Variants in MCU observed in about 807,000 individuals in gnomAD.
The protein encoded by MCU is calcium uniporter protein, mitochondrial.
MCU carries 12 observed loss-of-function variants against 45.2 expected under a neutral mutation model. The observed-to-expected ratio is 0.27, with a 90% CI of 0.17 to 0.43. The LOEUF is 0.43. Among genes scored for constraint, MCU ranks in the 20% least tolerant of loss-of-function variants. The pLI is 1.00. For missense variants in MCU, 324 were observed against 436.7 expected (o/e 0.74, Z 2.30); for synonymous variants, 160 against 165.1 (o/e 0.97, Z 0.24).
At chr10:72,868,579 C>G in intron 4 of MCU, 124 bp from the exon 5 acceptor site, 1 of 692,092 alleles carries the variant, frequency 1.4e-6, no homozygotes, top group Non-Finnish European at 2.3e-6. Context: ...AGAGCTATTA[C>G]TTTCCTTCAG....
intron 1 of MCU, among the ~76,000 whole-genome samples, chr10:72,813,392 C>A (rs952432546): frequency 2.7e-5 from 4 of 148,260 alleles, no homozygotes; most frequent in African/African-American, 9.9e-5. Flanking sequence ...AATGAAAAAT[C>A]AGGTAAAACT....
At chr10:72,872,807 A>G (rs887781944) in intron 6 of MCU, among the ~76,000 whole-genome samples, 5 of 151,996 alleles carry the variant, frequency 3.3e-5, no homozygotes, top group African/African-American at 9.7e-5. Flanking sequence ...GATTGATTGT[A>G]TGATATTTCT....
intron 1 of MCU, among the ~76,000 whole-genome samples, chr10:72,703,117 G>T (rs1419897383): frequency 6.6e-6 from 1 of 152,190 alleles, no homozygotes; most frequent in Non-Finnish European, 1.5e-5. Context: ...CCACTGGTTT[G>T]TTACAACTGG....
At chr10:72,839,801 A>C (rs1410559457) in intron 2 of MCU, among the ~76,000 whole-genome samples, 1 of 150,176 alleles carries the variant, frequency 6.7e-6, no homozygotes, top group Admixed American at 6.6e-5. Context: ...AGAATACAAA[A>C]AAAAAAAAAA....
intron 1 of MCU, among the ~76,000 whole-genome samples, chr10:72,818,841 CAAAA>C (rs199955521): frequency 4.6e-5 from 4 of 87,868 alleles, no homozygotes; most frequent in Admixed American, 1.3e-4. Context: ...ACCTCTGTCT[CAAAA>C]AAAAAAAAAA....
chr10:72,713,904 G>A (rs573347369), intron 1 of MCU, among the ~76,000 whole-genome samples: 3 of 150,524 alleles, frequency 2.0e-5, no homozygotes, highest in East Asian at 1.9e-4. Context: ...TTTATATTCC[G>A]GACACACAGA....
At chr10:72,866,922 ATTTAAAGCT>A (rs1392357318) in intron 4 of MCU, among the ~76,000 whole-genome samples, 9 of 151,586 alleles carry the variant, frequency 5.9e-5, no homozygotes, top group African/African-American at 2.2e-4. Context: ...ACTTTGGACA[ATTTAAAGCT>A]ATATGCAAAT....
In MCU at chr10:72,752,376, A is replaced by G. The variant is rs189380335; in HGVS notation, c.150+60075A>G. On this transcript the variant is annotated intron_variant, in intron 1 of 7. Coordinates refer to ENST00000373053, the MANE Select transcript of MCU (RefSeq NM_138357.3). ...CTCCCAGTGTGCTGGGATTACAGGC[A>G]TGAGGCACCACGCCCACCCTCCAAA... Among the ~76,000 whole-genome samples, 706 of 152,144 alleles carry G rather than the reference A, an allele frequency of 4.6e-3. 5 individuals are homozygous for G. Among genetic ancestry groups the G allele is most frequent in the African/African-American group, 0.016 (666 of 41,518 alleles).
chr10:72,786,345 C>A (rs1347712640), intron 1 of MCU, among the ~76,000 whole-genome samples: 1 of 152,108 alleles, frequency 6.6e-6, no homozygotes, highest in East Asian at 1.9e-4. Context: ...GATTTCAGAT[C>A]CTGGCTGTGC....
chr10:72,695,325 G>A (rs1018591406), intron 1 of MCU, among the ~76,000 whole-genome samples: 7 of 152,120 alleles, frequency 4.6e-5, no homozygotes, highest in African/African-American at 7.2e-5. Flanking sequence ...CATTGTTTCA[G>A]CTTAACCTGA....
chr10:72,818,366 A>G (rs1233851306), intron 1 of MCU, among the ~76,000 whole-genome samples: 2 of 152,230 alleles, frequency 1.3e-5, no homozygotes, highest in Non-Finnish European at 2.9e-5. Context: ...CTAAGAAGCC[A>G]CCGACGTTCT....
chr10:72,847,570 A>T (rs1845142362), intron 2 of MCU, among the ~76,000 whole-genome samples: 1 of 152,312 alleles, frequency 6.6e-6, no homozygotes, highest in South Asian at 2.1e-4. Flanking sequence ...ATTCACTGAG[A>T]GTCTTAGAAC....
At chr10:72,794,213 C>A (rs1284988227) in intron 1 of MCU, among the ~76,000 whole-genome samples, 1 of 152,090 alleles carries the variant, frequency 6.6e-6, no homozygotes, top group Admixed American at 6.5e-5. Flanking sequence ...GATTTGAAGA[C>A]CTTTTACTAA....
intron 1 of MCU, among the ~76,000 whole-genome samples, chr10:72,752,130 T>G (rs1019399536): frequency 6.6e-6 from 1 of 151,806 alleles, no homozygotes; most frequent in Non-Finnish European, 1.5e-5. Context: ...TGAGCCACCA[T>G]GCCCGGCCGC....
chr10:72,850,248 G>T (rs1199067567), intron 2 of MCU, among the ~76,000 whole-genome samples: 2 of 152,080 alleles, frequency 1.3e-5, no homozygotes, highest in Non-Finnish European at 2.9e-5. Context: ...TGATCTGTCT[G>T]GCCTTCCAAC....
Position 72,710,142 on chromosome 10 carries a change from A to G in MCU, c.150+17841A>G, listed in dbSNP as rs7093574. 4.9e-3 allele frequency among the ~76,000 whole-genome samples: 750 copies of G among 152,060 alleles called. 6 individuals carry two copies. Among genetic ancestry groups the G allele is most frequent in the African/African-American group, 0.017 (720 of 41,496 alleles). ...AGGCACATGCCACCATGCCCGGCTA[A>G]TTTTTTGTACTTTTTAGTAGAGATG... is the stretch of plus-strand genomic sequence containing the variant. On this transcript the variant is annotated intron_variant, in intron 1 of 7. Coordinates refer to ENST00000373053, the MANE Select transcript of MCU (RefSeq NM_138357.3).
At chr10:72,812,948 T>C (rs1463482173) in intron 1 of MCU, among the ~76,000 whole-genome samples, 2 of 152,208 alleles carry the variant, frequency 1.3e-5, no homozygotes, top group Non-Finnish European at 2.9e-5. Flanking sequence ...AACTGTCACC[T>C]CTGATTCCTG....
chr10:72,862,080 C>T (rs1431915928), intron 4 of MCU, among the ~76,000 whole-genome samples: 25 of 150,298 alleles, frequency 1.7e-4, no homozygotes, highest in Non-Finnish European at 8.9e-5. Context: ...CTCCCAGGTT[C>T]ACGCCATTCT....
At chr10:72,832,459 A>G (rs1023960675) in intron 1 of MCU, among the ~76,000 whole-genome samples, 1 of 152,190 alleles carries the variant, frequency 6.6e-6, no homozygotes, top group South Asian at 2.1e-4. Context: ...ACGTGCAGGG[A>G]TTGTGTTCCT....
Sources: gnomAD v4.1 joint callset for allele counts (sites outside exome capture counted in the v4.1 genomes callset) on GRCh38, gnomAD v4.1.1 for gene constraint, MANE v1.5 for transcripts, NCBI Gene and HGNC (gene_info 2026-07-23, HGNC 2026-07-21) for gene names.